Variants in PRDM16 observed in about 807,000 individuals in gnomAD.
PRDM16 encodes histone-lysine N-methyltransferase PRDM16.
Under a neutral mutation model 110.6 loss-of-function variants are expected in PRDM16, and 23 were observed. The ratio of observed to expected loss-of-function variants is 0.21; its 90% CI spans 0.15 to 0.29. The LOEUF (loss-of-function observed/expected upper bound fraction) is 0.29. Ranked by LOEUF, PRDM16 falls within the 10% of genes least tolerant of loss-of-function variation. The pLI, the probability that PRDM16 is intolerant of heterozygous loss-of-function variation, is 1.00. For missense variants in PRDM16, 1,615 were observed against 1,794.3 expected, an observed-to-expected ratio of 0.90 and a Z score of 1.81; for synonymous variants, 799 against 781.8, an observed-to-expected ratio of 1.02 and a Z score of -0.37.
At chr1:3,114,896 C>T (rs529839022) in intron 1 of PRDM16, among the ~76,000 whole-genome samples, 11 of 152,268 alleles carry the variant, frequency 7.2e-5, no homozygotes, top group Admixed American at 2.0e-4. Flanking sequence ...ATGCAGGATT[C>T]GCACTCAGCC....
intron 5 of PRDM16, among the ~76,000 whole-genome samples, chr1:3,398,049 C>T (rs754841076): frequency 1.3e-5 from 2 of 152,190 alleles, no homozygotes; most frequent in Admixed American, 6.5e-5. Flanking sequence ...AATCAATTGC[C>T]GAGATCTGGA....
chr1:3,215,918 C>A (rs1639017508), intron 2 of PRDM16, among the ~76,000 whole-genome samples: 1 of 152,116 alleles, frequency 6.6e-6, no homozygotes, highest in Admixed American at 6.5e-5. Flanking sequence ...AGAAAACAGC[C>A]TATGCAGCAC....
rs1638945432 is a variant in PRDM16, at chr1:3,213,428, T to C, written c.387+26954T>C. Among the ~76,000 whole-genome samples, 1 of 152,120 alleles carries C rather than the reference T, an allele frequency of 6.6e-6. No homozygotes were observed. Among genetic ancestry groups the C allele is most frequent in the Non-Finnish European group, 1.5e-5 (1 of 68,034 alleles). On this transcript the variant is annotated intron_variant, in intron 2 of 16. Transcript: ENST00000270722. The surrounding 1 kb of genome is among the most constrained non-coding windows in gnomAD (Gnocchi z 5.3). The stretch of plus-strand genomic sequence containing the variant: ...TCCGCCATTGTCATTAATTATAAAA[T>C]TGGGAGGACTGTAATTTTCCACTTA...
chr1:3,361,015 A>T (rs578012626), intron 3 of PRDM16, among the ~76,000 whole-genome samples: 1 of 152,334 alleles, frequency 6.6e-6, no homozygotes, highest in South Asian at 2.1e-4. Context: ...TGTGTGCTGG[A>T]GCGAGGACAC....
rs560256428 is a variant in PRDM16, at chr1:3,434,425, C to T, written c.*614C>T. 76 of 232,402 alleles carry T rather than the reference C, an allele frequency of 3.3e-4. No individual in the cohort carries two copies. In the South Asian group the frequency reaches 0.013, roughly 40 times the overall value. The allele number at this position is 232,402 out of a possible 1,614,324, so 14.4% of individuals were successfully genotyped here. A position where few individuals can be genotyped will look rare whatever the true frequency, so the allele number is the denominator to read the frequency against. ...GTCTGCCTGGGAACCCGCACTGTGC[C>T]TGGGTGTATTCTTTATACTGTAGAT... is the stretch of plus-strand genomic sequence containing the variant. On this transcript the variant is annotated 3_prime_UTR_variant, in exon 17 of 17. Coordinates refer to ENST00000270722, the MANE Select transcript of PRDM16 (RefSeq NM_022114.4).
At chr1:3,430,691 C>T (rs778105541) in intron 14 of PRDM16, among the ~76,000 whole-genome samples, 181 bp from the exon 15 acceptor site, 1 of 152,238 alleles carries the variant, frequency 6.6e-6, no homozygotes, top group African/African-American at 2.4e-5. Context: ...CCCAGGCCTC[C>T]GTGCCTCTCA....
At chr1:3,227,224 C>T (rs1468943766) in intron 2 of PRDM16, among the ~76,000 whole-genome samples, 1 of 152,268 alleles carries the variant, frequency 6.6e-6, no homozygotes, top group Admixed American at 6.5e-5. Flanking sequence ...CGAGGACCTG[C>T]AGCTCACACA....
At chr1:3,387,401 C>T (rs1569645526) in intron 4 of PRDM16, among the ~76,000 whole-genome samples, 1 of 152,202 alleles carries the variant, frequency 6.6e-6, no homozygotes, top group Non-Finnish European at 1.5e-5. Context: ...ACTCGAAATG[C>T]ACATTTAAGC....
chr1:3,266,478 G>A (rs893305706), intron 3 of PRDM16, among the ~76,000 whole-genome samples: 2 of 152,130 alleles, frequency 1.3e-5, no homozygotes, highest in Non-Finnish European at 2.9e-5. Context: ...CGAGCGGTTC[G>A]CATTTGCAAA....
chr1:3,087,841 A>C (rs1234883890), intron 1 of PRDM16, among the ~76,000 whole-genome samples: 1 of 151,932 alleles, frequency 6.6e-6, no homozygotes, highest in Non-Finnish European at 1.5e-5. Context: ...GTTATTGACA[A>C]ATCAATTTTC....
chr1:3,283,761 AAAGG>A (rs1327573740), intron 3 of PRDM16, among the ~76,000 whole-genome samples: 3 of 152,202 alleles, frequency 2.0e-5, no homozygotes, highest in African/African-American at 7.2e-5. Flanking sequence ...CCTCAAGGTC[AAAGG>A]AAGAGTATAT....
intron 1 of PRDM16, chr1:3,127,993 TC>T (rs1643245451): frequency 6.5e-6 from 1 of 154,842 alleles, no homozygotes; most frequent in African/African-American, 2.4e-5. Flanking sequence ...CCAGCTTTTT[TC>T]CTTAGTGGCC....
intron 2 of PRDM16, among the ~76,000 whole-genome samples, chr1:3,204,540 G>A (rs1160948728): frequency 6.6e-6 from 1 of 152,222 alleles, no homozygotes; most frequent in African/African-American, 2.4e-5. Flanking sequence ...CTGTCCCAGG[G>A]GAGCCCGTGG....
At chr1:3,273,298 G>C (rs1640499818) in intron 3 of PRDM16, among the ~76,000 whole-genome samples, 1 of 152,192 alleles carries the variant, frequency 6.6e-6, no homozygotes, top group African/African-American at 2.4e-5. Flanking sequence ...AAGAAAGCCT[G>C]TTCTGCCATT....
In PRDM16 at chr1:3,143,233, A is replaced by T. The variant is rs1363171348; in HGVS notation, c.38-42892A>T. 6.6e-6 allele frequency among the ~76,000 whole-genome samples: 1 copy of T among 151,974 alleles called. No individual in the cohort carries two copies. Among genetic ancestry groups the T allele is most frequent in the African/African-American group, 2.4e-5 (1 of 41,378 alleles). On this transcript the variant is annotated intron_variant, in intron 1 of 16. Transcript: ENST00000270722. The surrounding 1 kb of genome is among the most constrained non-coding windows in gnomAD (Gnocchi z 4.5). ...TCCGGGCTCTGATTTTTGCTGGCTGAGACACAGGGACCCCTGGGTGTGCGG... is the reference window on the plus strand; with the variant it reads ...TCCGGGCTCTGATTTTTGCTGGCTGTGACACAGGGACCCCTGGGTGTGCGG...
rs1553175959 is a variant in PRDM16 at position 3,409,834 on chromosome 1, G to GTGTGTGTATGTGCGT, written c.1187-1550_1187-1549insTGTGTGTATGTGCGT. 3.3e-3 allele frequency among the ~76,000 whole-genome samples: 416 copies of GTGTGTGTATGTGCGT among 125,920 alleles called. 4 individuals are homozygous for GTGTGTGTATGTGCGT. Among genetic ancestry groups the GTGTGTGTATGTGCGT allele is most frequent in the African/African-American group, 0.012 (387 of 32,086 alleles). The allele number at this position is 125,920 out of a possible 152,430, so 82.6% of individuals were successfully genotyped here. A position where few individuals can be genotyped will look rare whatever the true frequency, so the allele number is the denominator to read the frequency against. On this transcript the variant is annotated intron_variant, in intron 8 of 16. Coordinates refer to ENST00000270722, the MANE Select transcript of PRDM16 (RefSeq NM_022114.4). The stretch of plus-strand genomic sequence containing the variant: ...GTGTGCATGTGTGTGGTTGTGTGTG[G>GTGTGTGTATGTGCGT]GTGTGTGGTGTGGGTGTGTGTGTGG...
intron 1 of PRDM16, among the ~76,000 whole-genome samples, chr1:3,169,507 T>C: frequency 6.6e-6 from 1 of 152,154 alleles, no homozygotes; most frequent in Non-Finnish European, 1.5e-5. Flanking sequence ...CTGGGGCATG[T>C]GCTGGCTTCT....
At chr1:3,131,283 G>C (rs1643331250) in intron 1 of PRDM16, among the ~76,000 whole-genome samples, 1 of 152,134 alleles carries the variant, frequency 6.6e-6, no homozygotes, top group African/African-American at 2.4e-5. Context: ...AAAAACTTTG[G>C]AGCTGTTTTC....
chr1:3,194,626 C>T (rs907455559), intron 2 of PRDM16, among the ~76,000 whole-genome samples: 20 of 143,000 alleles, frequency 1.4e-4, no homozygotes, highest in African/African-American at 2.7e-4. Context: ...CCCCACCACA[C>T]GCCACCGTCT....
Sources: gnomAD v4.1 joint callset for allele counts (sites outside exome capture counted in the v4.1 genomes callset) on GRCh38, gnomAD v4.1.1 for gene constraint, Gnocchi (gnomAD v3.1) non-coding constraint, MANE v1.5 for transcripts, NCBI Gene and HGNC (gene_info 2026-07-23, HGNC 2026-07-21) for gene names.